ADGRL3: variants seen among roughly 807,000 people sequenced by gnomAD.
ADGRL3 encodes the protein adhesion G protein-coupled receptor L3.
Under a neutral mutation model 153.5 loss-of-function variants are expected in ADGRL3, and 62 were observed. That is an observed-to-expected ratio of 0.40 (90% CI 0.33 to 0.50). ADGRL3 has a LOEUF of 0.50. Among genes scored for constraint, ADGRL3 ranks in the 20% least tolerant of loss-of-function variants. ADGRL3 has a pLI of 0.47. For synonymous variants in ADGRL3, 710 were observed against 672.5 expected, an observed-to-expected ratio of 1.06 and a Z score of -0.86; for missense variants, 1,641 against 1,859.4, an observed-to-expected ratio of 0.88 and a Z score of 2.16.
intron 17 of ADGRL3, among the ~76,000 whole-genome samples, chr4:61,957,391 A>C (rs2098971241): frequency 6.6e-6 from 1 of 152,164 alleles, no homozygotes; most frequent in African/African-American, 2.4e-5. Flanking sequence ...AATTTATTAG[A>C]GTTGGCTATG....
chr4:62,046,081 A>G (rs1002755555), intron 25 of ADGRL3, among the ~76,000 whole-genome samples: 10 of 151,862 alleles, frequency 6.6e-5, no homozygotes, highest in Admixed American at 2.0e-4. Flanking sequence ...GATTTTCTGT[A>G]TTCTTTAAAC....
intron 25 of ADGRL3, among the ~76,000 whole-genome samples, chr4:62,044,874 C>G (rs1242227048): frequency 6.6e-6 from 1 of 152,036 alleles, no homozygotes; most frequent in Non-Finnish European, 1.5e-5. Flanking sequence ...GTATAGTCGG[C>G]TAAGCATCAT....
intron 21 of ADGRL3, among the ~76,000 whole-genome samples, chr4:62,014,550 C>G (rs1373804362): frequency 6.6e-6 from 1 of 152,172 alleles, no homozygotes; most frequent in Non-Finnish European, 1.5e-5. Context: ...CAGTCACTTA[C>G]AATCTTGGGC....
At chr4:61,509,666 A>G (rs1011646575) in intron 3 of ADGRL3, among the ~76,000 whole-genome samples, 7 of 151,942 alleles carry the variant, frequency 4.6e-5, no homozygotes, top group African/African-American at 1.7e-4. Flanking sequence ...CCAGTCTACC[A>G]TTGATGAGCA....
intron 1 of ADGRL3, among the ~76,000 whole-genome samples, chr4:61,230,725 C>G (rs1252221405): frequency 6.6e-6 from 1 of 152,038 alleles, no homozygotes; most frequent in Non-Finnish European, 1.5e-5. Flanking sequence ...ACTGTTTATC[C>G]CATCCACCTA....
chr4:61,865,920 G>A (rs927944309), intron 9 of ADGRL3, among the ~76,000 whole-genome samples: 2 of 152,168 alleles, frequency 1.3e-5, no homozygotes, highest in African/African-American at 4.8e-5. Flanking sequence ...AAAGCTGAAT[G>A]GTAGTATAAG....
chr4:61,817,227 C>T (rs1337119657), intron 9 of ADGRL3, among the ~76,000 whole-genome samples: 7 of 151,648 alleles, frequency 4.6e-5, no homozygotes, highest in African/African-American at 9.7e-5. Context: ...GACAGGTTCC[C>T]GGGCTGAAAG....
intron 5 of ADGRL3, among the ~76,000 whole-genome samples, chr4:61,651,845 T>A (rs1440629698): frequency 3.3e-5 from 5 of 151,158 alleles, no homozygotes; most frequent in African/African-American, 1.2e-4. Context: ...CTCGATCTCC[T>A]GACCTAGTGA....
chr4:61,349,865 A>G (rs1211819669), intron 1 of ADGRL3, among the ~76,000 whole-genome samples: 1 of 152,172 alleles, frequency 6.6e-6, no homozygotes, highest in Non-Finnish European at 1.5e-5. Flanking sequence ...TAGATGAATG[A>G]ATGACTATTT....
At chr4:61,701,067 T>C (rs767895139) in intron 6 of ADGRL3, among the ~76,000 whole-genome samples, 1 of 152,122 alleles carries the variant, frequency 6.6e-6, no homozygotes, top group South Asian at 2.1e-4. Context: ...TTGTATGAGG[T>C]ACAATTGAAA....
chr4:61,609,686 A>T (rs780478864), intron 5 of ADGRL3, among the ~76,000 whole-genome samples: 10 of 151,916 alleles, frequency 6.6e-5, no homozygotes, highest in South Asian at 2.1e-4. Context: ...GCTTCACCTA[A>T]TATTGTTATG....
intron 9 of ADGRL3, among the ~76,000 whole-genome samples, chr4:61,856,263 CTTTA>C (rs1021987362): frequency 4.6e-5 from 7 of 151,692 alleles, no homozygotes; most frequent in African/African-American, 9.7e-5. Context: ...GTGAATTTTT[CTTTA>C]TTTCTTTCTT....
intron 9 of ADGRL3, among the ~76,000 whole-genome samples, chr4:61,868,935 ATT>A (rs903726114): frequency 2.7e-5 from 4 of 150,462 alleles, no homozygotes; most frequent in African/African-American, 9.8e-5. Context: ...CTCAAAGGTA[ATT>A]TTTTTTTTCT....
intron 1 of ADGRL3, among the ~76,000 whole-genome samples, chr4:61,224,154 A>T (rs1214542813): frequency 6.6e-6 from 1 of 152,144 alleles, no homozygotes. Flanking sequence ...TGAAAATTTC[A>T]TGTCTAATAA....
intron 1 of ADGRL3, among the ~76,000 whole-genome samples, chr4:61,297,515 C>A (rs575517716): frequency 2.6e-5 from 4 of 151,930 alleles, no homozygotes; most frequent in African/African-American, 9.7e-5. Context: ...TAGTTTTTGC[C>A]TTGAATTTCC....
chr4:61,611,325 A>G (rs2091319541), intron 5 of ADGRL3, among the ~76,000 whole-genome samples: 1 of 152,170 alleles, frequency 6.6e-6, no homozygotes, highest in African/African-American at 2.4e-5. Context: ...AACTAGTCAC[A>G]TGGCCATACC....
intron 1 of ADGRL3, among the ~76,000 whole-genome samples, chr4:61,228,369 C>T (rs747629110): frequency 6.6e-6 from 1 of 152,264 alleles, no homozygotes; most frequent in Non-Finnish European, 1.5e-5. Flanking sequence ...TTTCAGTGAT[C>T]TCAGTAGCAT....
At chr4:61,467,747 ATAAT>A (rs529227706) in intron 2 of ADGRL3, among the ~76,000 whole-genome samples, 30 of 152,266 alleles carry the variant, frequency 2.0e-4, no homozygotes, top group Non-Finnish European at 4.0e-4. Context: ...TACAGATGAA[ATAAT>A]TATCCTTAAT....
At chr4:61,341,170 G>A (rs1186053115) in intron 1 of ADGRL3, among the ~76,000 whole-genome samples, 1 of 151,570 alleles carries the variant, frequency 6.6e-6, no homozygotes, top group Non-Finnish European at 1.5e-5. Flanking sequence ...TGGGGTTTTG[G>A]TTCTTGTTTT....
Sources: allele counts gnomAD v4.1 joint callset (sites outside exome capture counted in the v4.1 genomes callset), GRCh38; gene constraint gnomAD v4.1.1; transcripts MANE v1.5; gene names NCBI Gene and HGNC (gene_info 2026-07-23, HGNC 2026-07-21).